Variants in TAF1B observed in about 807,000 individuals in gnomAD.
TAF1B encodes TATA box-binding protein-associated factor RNA polymerase I subunit B.
In TAF1B, 61 loss-of-function variants were observed where a neutral mutation model predicts 83.9. The observed-to-expected ratio is 0.73, with a 90% CI of 0.59 to 0.90. TAF1B has a LOEUF of 0.90. TAF1B is among the 40% of genes least tolerant of loss of function. The pLI is 0.00. For synonymous variants in TAF1B, 221 were observed against 224.6 expected (o/e 0.98, Z 0.14); for missense variants, 625 against 677.0 (o/e 0.92, Z 0.85).
chr2:9,913,159 A>G lies in TAF1B; in HGVS notation c.1181A>G (p.Asp394Gly), dbSNP rs938711868. Residue 394 changes from aspartate to glycine, a missense_variant and splice_region_variant, in exon 12 of 15, where the codon GAT (aspartate) becomes GGT (glycine). Physicochemically the swap from Asp to Gly is moderately conservative, Grantham distance 94. Transcript: ENST00000263663. ...TAATCTTGGATTTTATTTCTTTCAG[A>G]TAAGCCATGGTTTGATTTCAGAAAG... ...AEKHNEKNKK[D>G]KPWFDFRKWY... is the part of the protein sequence containing the mutation. The G allele has an allele frequency of 8.1e-6, 13 of 1,600,258 alleles. No homozygotes were observed. Among genetic ancestry groups the G allele is most frequent in the Non-Finnish European group, 1.1e-5 (13 of 1,175,396 alleles).
At chr2:9,885,058 C>G (rs2125156614) in intron 8 of TAF1B, among the ~76,000 whole-genome samples, 1 of 152,302 alleles carries the variant, frequency 6.6e-6, no homozygotes, top group East Asian at 1.9e-4. Flanking sequence ...TATAGTGTAA[C>G]AAATTCTTAG....
intron 8 of TAF1B, 106 bp from the exon 9 acceptor site, chr2:9,904,753 G>T: frequency 8.8e-7 from 1 of 1,129,958 alleles, no homozygotes; most frequent in Non-Finnish European, 1.2e-6. Context: ...ACCAGCATCT[G>T]TTATTTTTTT....
intron 5 of TAF1B, among the ~76,000 whole-genome samples, chr2:9,867,865 GA>G (rs1360152660): frequency 1.3e-5 from 2 of 152,152 alleles, no homozygotes; most frequent in African/African-American, 4.8e-5. Context: ...GGAGAGGGAG[GA>G]AAAGGCGTAG....
At chr2:9,895,946 T>C (rs1458665391) in intron 8 of TAF1B, among the ~76,000 whole-genome samples, 1 of 151,974 alleles carries the variant, frequency 6.6e-6, no homozygotes, top group Non-Finnish European at 1.5e-5. Flanking sequence ...TGTCTTAAAG[T>C]ATTGCTTCAC....
At chr2:9,879,840 TTTCAAAG>T (rs1483499069) in intron 7 of TAF1B, among the ~76,000 whole-genome samples, 39 of 152,316 alleles carry the variant, frequency 2.6e-4, no homozygotes, top group African/African-American at 9.4e-4. Flanking sequence ...TTCAATATGT[TTTCAAAG>T]TTTGCAAAGC....
chr2:9,871,478 TCTC>T (rs768296183), intron 6 of TAF1B, among the ~76,000 whole-genome samples: 3 of 152,186 alleles, frequency 2.0e-5, no homozygotes, highest in Non-Finnish European at 4.4e-5. Context: ...TGGATTACCC[TCTC>T]ATTTTTGTGG....
intron 5 of TAF1B, among the ~76,000 whole-genome samples, chr2:9,856,762 C>T (rs1348641916): frequency 4.6e-5 from 7 of 152,072 alleles, no homozygotes; most frequent in East Asian, 1.9e-4. Flanking sequence ...ATTAGCATCA[C>T]GCTAAAATCT....
chr2:9,916,094 T>C (rs558355248), intron 12 of TAF1B, among the ~76,000 whole-genome samples: 2 of 152,164 alleles, frequency 1.3e-5, no homozygotes, highest in Non-Finnish European at 2.9e-5. Flanking sequence ...GTGGGAGATA[T>C]TTTGGAGTGA....
intron 11 of TAF1B, among the ~76,000 whole-genome samples, chr2:9,912,019 A>G (rs940298875): frequency 1.3e-5 from 2 of 152,150 alleles, no homozygotes; most frequent in Non-Finnish European, 2.9e-5. Flanking sequence ...CCACTTCACA[A>G]TGCTTCACCT....
At chr2:9,854,244 C>T in intron 4 of TAF1B, 82 bp from the exon 5 acceptor site, 1 of 927,170 alleles carries the variant, frequency 1.1e-6, no homozygotes, top group Non-Finnish European at 1.7e-6. Context: ...ATTTAAAGTA[C>T]AAGAGAGCTG....
intron 7 of TAF1B, 100 bp from the exon 8 acceptor site, chr2:9,882,602 CTAAT>C: frequency 1.6e-6 from 1 of 606,742 alleles, no homozygotes; most frequent in Non-Finnish European, 2.7e-6. Context: ...ATATGCTTAA[CTAAT>C]TCTTACCTTG....
chr2:9,886,122 G>A (rs1281658533), intron 8 of TAF1B, among the ~76,000 whole-genome samples: 4 of 151,730 alleles, frequency 2.6e-5, no homozygotes, highest in Non-Finnish European at 4.4e-5. Flanking sequence ...ACATATTGAC[G>A]TATTCAAATG....
intron 6 of TAF1B, chr2:9,868,796 G>C (rs2125146703): frequency 6.8e-6 from 3 of 440,278 alleles, no homozygotes; most frequent in South Asian, 5.2e-5. Flanking sequence ...AATAGACAAA[G>C]ATGGTATGTC....
In TAF1B at chr2:9,934,207, TAAAAC is replaced by T. The variant is rs1666306053; in HGVS notation, c.*226_*230del. On this transcript the variant is annotated 3_prime_UTR_variant, in exon 15 of 15. Transcript: ENST00000263663. Reference sequence around the variant, plus strand: ...GAGTATGAACATTCTAAGAGAAAGTTAAAACAATAGCAAATTGTATAATTGTATCC... The same window carrying T: ...GAGTATGAACATTCTAAGAGAAAGTTAATAGCAAATTGTATAATTGTATCC... 2 of 421,196 alleles carry T rather than the reference TAAAAC, an allele frequency of 4.7e-6. No individual in the cohort carries two copies. The highest frequency in any genetic ancestry group is 7.8e-5 in the South Asian group (2 of 25,554). The allele number at this position is 421,196 out of a possible 1,614,324, so 26.1% of individuals were successfully genotyped here.
intron 8 of TAF1B, among the ~76,000 whole-genome samples, chr2:9,885,536 G>A (rs1222882498): frequency 6.6e-6 from 1 of 152,190 alleles, no homozygotes; most frequent in African/African-American, 2.4e-5. Flanking sequence ...AACTTGAGTG[G>A]GAGCAATTCC....
chr2:9,905,253 G>T (rs1293615030), intron 9 of TAF1B, among the ~76,000 whole-genome samples: 3 of 152,172 alleles, frequency 2.0e-5, no homozygotes, highest in Non-Finnish European at 2.9e-5. Context: ...ATGCTTGAGA[G>T]AATATGTTTG....
At chr2:9,844,894 CT>C (rs916077498) in intron 1 of TAF1B, among the ~76,000 whole-genome samples, 1 of 152,074 alleles carries the variant, frequency 6.6e-6, no homozygotes, top group Non-Finnish European at 1.5e-5. Flanking sequence ...TTTTAAAAGT[CT>C]TCTCTATACT....
intron 5 of TAF1B, among the ~76,000 whole-genome samples, chr2:9,861,707 G>A (rs989400385): frequency 1.4e-4 from 22 of 152,240 alleles, no homozygotes; most frequent in Non-Finnish European, 3.1e-4. Context: ...AGTAGGGGCA[G>A]TCTGACACCT....
At chr2:9,879,371 A>T (rs1384770165) in intron 7 of TAF1B, among the ~76,000 whole-genome samples, 1 of 152,234 alleles carries the variant, frequency 6.6e-6, no homozygotes, top group East Asian at 1.9e-4. Context: ...GGGTGGCGCT[A>T]CAGCTTGGCT....
Sources: gnomAD v4.1 joint callset for allele counts (sites outside exome capture counted in the v4.1 genomes callset) on GRCh38, gnomAD v4.1.1 for gene constraint, MANE v1.5 for transcripts, NCBI Gene and HGNC (gene_info 2026-07-23, HGNC 2026-07-21) for gene names.